Variants in MACROD2 observed in about 807,000 individuals in gnomAD.
The protein encoded by MACROD2 is mono-ADP ribosylhydrolase 2.
A neutral mutation model predicts 70.4 loss-of-function variants in MACROD2; 36 were observed. The observed-to-expected ratio is 0.51, with a 90% CI of 0.39 to 0.68. The LOEUF is 0.68. Among genes scored for constraint, MACROD2 ranks in the 30% least tolerant of loss-of-function variants. MACROD2 has a pLI of 0.00. For synonymous variants in MACROD2, 172 were observed against 178.8 expected (o/e 0.96, Z 0.30); for missense variants, 496 against 538.4 (o/e 0.92, Z 0.78).
At chr20:15,426,865 C>A (rs908921536) in intron 6 of MACROD2, among the ~76,000 whole-genome samples, 1 of 152,134 alleles carries the variant, frequency 6.6e-6, no homozygotes, top group East Asian at 1.9e-4. Context: ...ATATTAAATG[C>A]AGCTTTGAAA....
chr20:14,708,704 C>T (rs1300033642), intron 5 of MACROD2, among the ~76,000 whole-genome samples: 1 of 152,036 alleles, frequency 6.6e-6, no homozygotes, highest in Admixed American at 6.6e-5. Flanking sequence ...TGCAACCTCC[C>T]CCTCCCACGT....
chr20:14,902,904 T>C (rs1316668846), intron 5 of MACROD2, among the ~76,000 whole-genome samples: 1 of 152,026 alleles, frequency 6.6e-6, no homozygotes, highest in Non-Finnish European at 1.5e-5. Flanking sequence ...GAGGGTACCA[T>C]GTAGGAAGTC....
At chr20:15,596,797 C>T (rs1223795396) in intron 8 of MACROD2, among the ~76,000 whole-genome samples, 2 of 152,176 alleles carry the variant, frequency 1.3e-5, no homozygotes, top group Non-Finnish European at 2.9e-5. Flanking sequence ...CACAGCCTTG[C>T]CCTGGTCAGA....
chr20:14,638,508 G>A (rs1192131993), intron 4 of MACROD2, among the ~76,000 whole-genome samples: 2 of 152,104 alleles, frequency 1.3e-5, no homozygotes, highest in Non-Finnish European at 2.9e-5. Context: ...TGAGAGCATG[G>A]ACTCAGAAGA....
rs369722597 is a variant in MACROD2, at chr20:14,802,592, A to G, written c.418+117633A>G. Among the ~76,000 whole-genome samples the G allele has an allele frequency of 3.3e-5, 5 of 151,920 alleles. No homozygotes were observed. The East Asian group carries it at 5.8e-4, about 18-fold the overall frequency. ...GTGCCTATAAGTGTTAATTATAACA[A>G]TATTTTTGAAATAAAAATATATAAT... On this transcript the variant is annotated intron_variant, in intron 5 of 17. Transcript: ENST00000684519.
chr20:14,169,850 A>G (rs2081205021), intron 3 of MACROD2, among the ~76,000 whole-genome samples: 1 of 151,978 alleles, frequency 6.6e-6, no homozygotes, highest in Non-Finnish European at 1.5e-5. Context: ...TTCTAACCTA[A>G]GCCATTATCC....
At chr20:14,487,234 A>C (rs181123146) in intron 3 of MACROD2, among the ~76,000 whole-genome samples, 1 of 152,112 alleles carries the variant, frequency 6.6e-6, no homozygotes, top group Admixed American at 6.5e-5. Flanking sequence ...GACCCTTGGC[A>C]TGTGCCAGGC....
At chr20:14,782,754 A>G (rs1329649981) in intron 5 of MACROD2, among the ~76,000 whole-genome samples, 1 of 152,082 alleles carries the variant, frequency 6.6e-6, no homozygotes, top group Admixed American at 6.5e-5. Flanking sequence ...CTTCCACTGT[A>G]GTTGTTAATC....
At chr20:15,599,605 A>G (rs1204315111) in intron 8 of MACROD2, among the ~76,000 whole-genome samples, 1 of 152,186 alleles carries the variant, frequency 6.6e-6, no homozygotes, top group Non-Finnish European at 1.5e-5. Context: ...TAAACTCCTA[A>G]TGAGAACCAA....
At chr20:15,804,497 T>G (rs1029467106) in intron 8 of MACROD2, among the ~76,000 whole-genome samples, 1 of 152,214 alleles carries the variant, frequency 6.6e-6, no homozygotes, top group Non-Finnish European at 1.5e-5. Context: ...TTATAGTACA[T>G]TTTTCTATGA....
chr20:15,019,169 G>A (rs914224289), intron 5 of MACROD2, among the ~76,000 whole-genome samples: 5 of 151,938 alleles, frequency 3.3e-5, no homozygotes, highest in Non-Finnish European at 7.4e-5. Flanking sequence ...ACACACGCGC[G>A]CGCGCGCGCG....
At chr20:15,347,221 A>C (rs2078176517) in intron 6 of MACROD2, among the ~76,000 whole-genome samples, 1 of 152,196 alleles carries the variant, frequency 6.6e-6, no homozygotes, top group African/African-American at 2.4e-5. Context: ...ATATAGCCTT[A>C]TTGTCCAAGA....
At chr20:14,431,146 T>C (rs565698595) in intron 3 of MACROD2, among the ~76,000 whole-genome samples, 2 of 152,282 alleles carry the variant, frequency 1.3e-5, no homozygotes, top group South Asian at 4.1e-4. Context: ...GATGGAGATG[T>C]TCGATAGGCA....
intron 3 of MACROD2, among the ~76,000 whole-genome samples, chr20:14,400,127 T>C (rs1191964628): frequency 1.3e-5 from 2 of 152,164 alleles, no homozygotes; most frequent in African/African-American, 4.8e-5. Context: ...ATGAGAGACA[T>C]TGTGAAATTT....
intron 4 of MACROD2, among the ~76,000 whole-genome samples, chr20:14,594,432 C>T (rs552653923): frequency 2.6e-5 from 4 of 152,166 alleles, no homozygotes; most frequent in South Asian, 2.1e-4. Flanking sequence ...CAAATAGATA[C>T]GTTAAAATTG....
intron 7 of MACROD2, among the ~76,000 whole-genome samples, chr20:15,451,240 G>A (rs1382227383): frequency 1.3e-5 from 2 of 151,814 alleles, no homozygotes; most frequent in African/African-American, 4.8e-5. Context: ...GGTTTTTTCA[G>A]TGTGAAGGAT....
chr20:15,865,076 T>G (rs2064473589), intron 9 of MACROD2, among the ~76,000 whole-genome samples: 1 of 152,166 alleles, frequency 6.6e-6, no homozygotes, highest in Non-Finnish European at 1.5e-5. Flanking sequence ...AGTGCATTAT[T>G]ATTCATGATA....
At chr20:16,020,212 A>G (rs919050736) in intron 15 of MACROD2, among the ~76,000 whole-genome samples, 7 of 151,972 alleles carry the variant, frequency 4.6e-5, no homozygotes, top group African/African-American at 1.7e-4. Context: ...CCTGAACTCT[A>G]AACTCCAGCC....
chr20:15,043,970 C>T (rs1214625744), intron 5 of MACROD2, among the ~76,000 whole-genome samples: 1 of 152,184 alleles, frequency 6.6e-6, no homozygotes, highest in African/African-American at 2.4e-5. Flanking sequence ...CTCCTTGTAC[C>T]TGCATGTGCT....
Sources: allele counts gnomAD v4.1 joint callset (sites outside exome capture counted in the v4.1 genomes callset), GRCh38; gene constraint gnomAD v4.1.1; transcripts MANE v1.5; gene names NCBI Gene and HGNC (gene_info 2026-07-23, HGNC 2026-07-21).